The following LRRD1 variants were observed in gnomAD, a reference collection of about 807,000 sequenced individuals.
LRRD1 encodes the protein leucine rich repeats and death domain containing 1, also known as leucine-rich repeat and death domain-containing protein 1.
A neutral mutation model predicts 69.5 loss-of-function variants in LRRD1; 49 were observed. That is an observed-to-expected ratio of 0.70 (90% confidence interval 0.56 to 0.89). The LOEUF (loss-of-function observed/expected upper bound fraction) is 0.89. Ranked by LOEUF, LRRD1 falls within the 40% of genes least tolerant of loss-of-function variation. LRRD1 has a pLI of 0.00. For synonymous variants in LRRD1, 303 were observed against 338.9 expected, an observed-to-expected ratio of 0.89 and a Z score of 1.16; for missense variants, 853 against 956.0, an observed-to-expected ratio of 0.89 and a Z score of 1.42.
rs1015785467 is a variant in LRRD1 at position 92,167,903 on chromosome 7, A to T, written c.-74-2627T>A. Among the ~76,000 whole-genome samples, 116 of 143,802 alleles carry T rather than the reference A, an allele frequency of 8.1e-4. 1 individual carries two copies. Among genetic ancestry groups the T allele is most frequent in the African/African-American group, 3.1e-3 (112 of 35,936 alleles). 94.3% of individuals were successfully genotyped at this position (143,802 alleles called of 152,430 possible). ...AAAAAAAAAAAAAAAAAAAAAAAAA[A>T]AAAAATAAGTTATTCTGCTCTAAGA... On this transcript the variant is annotated intron_variant, in intron 1 of 5. Transcript: ENST00000458448.
intron 2 of LRRD1, among the ~76,000 whole-genome samples, chr7:92,161,292 T>G (rs1429864503): frequency 6.6e-6 from 1 of 152,290 alleles, no homozygotes; most frequent in Non-Finnish European, 1.5e-5. Flanking sequence ...TATCAAGTGA[T>G]ATTTTCAACT....
intron 3 of LRRD1, among the ~76,000 whole-genome samples, chr7:92,153,544 T>C (rs928750600): frequency 2.0e-5 from 3 of 151,814 alleles, no homozygotes; most frequent in African/African-American, 4.8e-5. Context: ...AAAAATGTCT[T>C]TTGGGCTGGG....
intron 1 of LRRD1, among the ~76,000 whole-genome samples, chr7:92,166,820 T>A (rs887006128): frequency 1.3e-5 from 2 of 152,158 alleles, no homozygotes; most frequent in African/African-American, 4.8e-5. Flanking sequence ...AAACATCATA[T>A]CTAGTGGTGA....
intron 3 of LRRD1, among the ~76,000 whole-genome samples, chr7:92,158,472 T>TAA (rs1163747540): frequency 3.9e-5 from 6 of 152,350 alleles, no homozygotes; most frequent in East Asian, 3.9e-4. Flanking sequence ...TATATATATA[T>TAA]AATCAACGCA....
At chr7:92,158,308 A>T (rs139727703) in intron 3 of LRRD1, among the ~76,000 whole-genome samples, 1 of 152,264 alleles carries the variant, frequency 6.6e-6, no homozygotes, top group East Asian at 1.9e-4. Context: ...GTGAGCCATG[A>T]TCTTGCCACT....
At chr7:92,143,108 C>T (rs1216174671), downstream of LRRD1, among the ~76,000 whole-genome samples, 3 of 152,036 alleles carry the variant, frequency 2.0e-5, no homozygotes, top group African/African-American at 7.2e-5. Context: ...AGGTTCTCCA[C>T]GTCCCCACTA....
At chr7:92,170,044 G>A (rs939408076) in intron 1 of LRRD1, among the ~76,000 whole-genome samples, 10 of 144,588 alleles carry the variant, frequency 6.9e-5, no homozygotes, top group African/African-American at 1.6e-4. Context: ...CTGGCATTCC[G>A]TACTTGGTGG....
At chr7:92,175,677 A>T (rs1485567320) in intron 1 of LRRD1, among the ~76,000 whole-genome samples, 2 of 152,126 alleles carry the variant, frequency 1.3e-5, no homozygotes, top group Non-Finnish European at 1.5e-5. Flanking sequence ...AAAAACAAAA[A>T]CAGAGTGCTT....
At chr7:92,166,658 C>A (rs1430185185) in intron 1 of LRRD1, among the ~76,000 whole-genome samples, 2 of 152,064 alleles carry the variant, frequency 1.3e-5, no homozygotes, top group Non-Finnish European at 2.9e-5. Context: ...ATGTAATTTG[C>A]CACATTAAGA....
downstream of LRRD1, chr7:92,142,546 G>A (rs768030778): frequency 2.0e-5 from 9 of 456,390 alleles, no homozygotes; most frequent in East Asian, 6.9e-5. Context: ...GTCAAATTGT[G>A]TCCGGAATTG....
rs1413964501 is a variant in LRRD1 at position 92,146,127 on chromosome 7, T to C, written c.2352A>G (p.Gln784=). The part of the protein sequence containing the change: ...ITETNFEFLC[Q]KLNLANSETD... ...TTTCTGAGTTTGCCAGGTTTAGTTT[T>C]TGACATAAAAATTCAAAATTGGTTT... The change falls in exon 5 of 6, where the codon CAA becomes CAG. Residue 784 remains glutamine, a synonymous_variant. Transcript: ENST00000458448. 1 of 1,543,086 alleles carries C rather than the reference T, an allele frequency of 6.5e-7. No individual in the cohort carries two copies. The highest frequency in any genetic ancestry group is 8.7e-7 in the Non-Finnish European group (1 of 1,144,156).
intron 1 of LRRD1, among the ~76,000 whole-genome samples, chr7:92,165,619 G>T (rs1277665569): frequency 6.6e-6 from 1 of 152,136 alleles, no homozygotes; most frequent in African/African-American, 2.4e-5. Context: ...CCAGCACTTT[G>T]GGAGGCCGAA....
intron 1 of LRRD1, among the ~76,000 whole-genome samples, chr7:92,170,498 G>A (rs552836436): frequency 3.0e-4 from 45 of 152,194 alleles, no homozygotes; most frequent in African/African-American, 9.9e-4. Context: ...GAGAAAAGGC[G>A]CAAATAACAT....
intron 4 of LRRD1, among the ~76,000 whole-genome samples, chr7:92,146,745 A>AC (rs1396498841): frequency 2.7e-5 from 4 of 150,456 alleles, no homozygotes; most frequent in African/African-American, 9.8e-5. Flanking sequence ...ACATGAAGAA[A>AC]CCCCGTCTCT....
chr7:92,152,424 C>T (rs1820494066), intron 3 of LRRD1, among the ~76,000 whole-genome samples: 1 of 151,892 alleles, frequency 6.6e-6, no homozygotes, highest in Non-Finnish European at 1.5e-5. Context: ...CCAGTTTTGG[C>T]AATTACAAAG....
In LRRD1 at chr7:92,163,676, A is replaced by G; in HGVS notation, c.1527T>C (p.Ser509=). 4.0e-6 allele frequency: 6 copies of G among 1,497,570 alleles called. No individual in the cohort carries two copies. The highest frequency in any genetic ancestry group is 5.3e-6 in the Non-Finnish European group (6 of 1,126,326). The allele number at this position is 1,497,570 out of a possible 1,614,324, so 92.8% of individuals were successfully genotyped here. A position where few individuals can be genotyped will look rare whatever the true frequency, so the allele number is the denominator to read the frequency against. The change falls in exon 2 of 6, where the codon AGT becomes AGC. Residue 509 remains serine, a synonymous_variant. Coordinates refer to ENST00000458448, the MANE Select transcript of LRRD1 (RefSeq NM_001161528.2). ...ISEIPVDISF[S]KQLLHLELSE... ...TCAATTCTAAATGAAGCAGTTGTTT[A>G]CTGAAAGATATATCCACAGGTATTT...
In LRRD1 at chr7:92,150,702, G is replaced by GA. The variant is rs1426306287; in HGVS notation, c.2117-8dup. On this transcript the variant is annotated splice_polypyrimidine_tract_variant and splice_region_variant and intron_variant, in intron 3 of 5. Coordinates refer to ENST00000458448, the MANE Select transcript of LRRD1 (RefSeq NM_001161528.2). ...AGAGCTGTCAGATTATTTCCTAGTA[G>GA]AAAAAAATTAGAATTGAATTACATC... is the stretch of plus-strand genomic sequence containing the variant. 6 of 1,510,626 alleles carry GA rather than the reference G, an allele frequency of 4.0e-6. No homozygotes were observed. Among genetic ancestry groups the GA allele is most frequent in the Admixed American group, 2.2e-5 (1 of 46,342 alleles). 93.6% of individuals were successfully genotyped at this position (1,510,626 alleles called of 1,614,324 possible).
At chr7:92,144,557 G>T (rs1478178555), downstream of LRRD1, among the ~76,000 whole-genome samples, 2 of 147,270 alleles carry the variant, frequency 1.4e-5, no homozygotes, top group Admixed American at 1.4e-4. Flanking sequence ...AACCCAGAAG[G>T]CAGAGGTTGC....
At position 92,163,876 on chromosome 7, in the gene LRRD1, T is replaced by A; in HGVS notation, c.1327A>T (p.Ile443Leu). 1.3e-6 allele frequency: 2 copies of A among 1,520,224 alleles called. No homozygotes were observed. Among genetic ancestry groups the A allele is most frequent in the Non-Finnish European group, 1.8e-6 (2 of 1,137,384 alleles). 94.2% of individuals were successfully genotyped at this position (1,520,224 alleles called of 1,614,324 possible). A position where few individuals can be genotyped will look rare whatever the true frequency, so the allele number is the denominator to read the frequency against. Residue 443 changes from isoleucine (I) to leucine (L), a missense_variant, in exon 2 of 6, where the codon ATA becomes TTA. Transcript: ENST00000458448. Reference protein sequence around the residue: ...ITDCISHLNNICSLEFSGNII... With the variant: ...ITDCISHLNNLCSLEFSGNII... ...TTTCCTGAAAATTCTAGACTGCATA[T>A]GTTATTAAGATGTGAGATACAGTCA...
Sources: allele counts gnomAD v4.1 joint callset (sites outside exome capture counted in the v4.1 genomes callset), GRCh38; gene constraint gnomAD v4.1.1; transcripts MANE v1.5; gene names NCBI Gene and HGNC (gene_info 2026-07-23, HGNC 2026-07-21).